Variants in NHSL2 observed in about 807,000 individuals in gnomAD.
NHSL2 encodes NHS like 2.
NHSL2 carries 27 observed loss-of-function variants against 53.4 expected under a neutral mutation model. That is an observed-to-expected ratio of 0.51 (90% CI 0.37 to 0.70). The LOEUF (loss-of-function observed/expected upper bound fraction) is 0.70, where lower values mean the gene tolerates loss of function less well. Among genes scored for constraint, NHSL2 ranks in the 30% least tolerant of loss-of-function variants. The pLI is 0.00. For missense variants in NHSL2, 892 were observed against 980.1 expected, an observed-to-expected ratio of 0.91 and a Z score of 1.20; for synonymous variants, 408 against 404.1, an observed-to-expected ratio of 1.01 and a Z score of -0.12.
At chrX:71,933,269 A>T (rs1000943982) in intron 1 of NHSL2, among the ~76,000 whole-genome samples, 1 of 112,038 alleles carries the variant, frequency 8.9e-6, no homozygotes, top group African/African-American at 3.2e-5. Flanking sequence ...CTACTGTTAG[A>T]GACAAGGGTC....
At chrX:72,071,971 T>C (rs2041704799) in intron 1 of NHSL2, among the ~76,000 whole-genome samples, 1 of 112,442 alleles carries the variant, frequency 8.9e-6, no homozygotes, top group Non-Finnish European at 1.9e-5. Flanking sequence ...TATTCCAGAA[T>C]TGGGCTGTCT....
chrX:72,064,852 A>C lies in NHSL2; in HGVS notation c.281-67227A>C, dbSNP rs1329541246. Among the ~76,000 whole-genome samples, 8 of 111,663 alleles carry C rather than the reference A, an allele frequency of 7.2e-5. No individual in the cohort carries two copies. The East Asian group carries it at 2.3e-3, about 32-fold the overall frequency. ...TGCTCCTGGCTGGGCTTAGCTTGAA[A>C]CACAGGCGAAAAAGAAAGAAGCCAT... is the stretch of plus-strand genomic sequence containing the variant. On this transcript the variant is annotated intron_variant, in intron 1 of 7. Coordinates refer to ENST00000633930, the MANE Select transcript of NHSL2 (RefSeq NM_001013627.3).
intron 1 of NHSL2, chrX:72,130,021 C>A: frequency 8.3e-7 from 1 of 1,211,169 alleles, no homozygotes; most frequent in South Asian, 1.8e-5. Context: ...ATTCTGGTTC[C>A]TCCGTCTGCT....
chrX:72,087,461 G>C (rs2041858701), intron 1 of NHSL2, among the ~76,000 whole-genome samples: 1 of 112,672 alleles, frequency 8.9e-6, no homozygotes, highest in East Asian at 2.8e-4. Context: ...ATTGTGAATA[G>C]GTTTCATGCC....
chrX:71,953,642 G>A (rs750747325), intron 1 of NHSL2, among the ~76,000 whole-genome samples: 161 of 111,086 alleles, frequency 1.4e-3, no homozygotes, highest in African/African-American at 5.1e-3. Flanking sequence ...TACCAACTTT[G>A]GGTTCCAGGG....
chrX:72,075,294 T>C (rs1485018381), intron 1 of NHSL2, among the ~76,000 whole-genome samples: 1 of 112,126 alleles, frequency 8.9e-6, no homozygotes, highest in African/African-American at 3.2e-5. Flanking sequence ...CCTTGTGAAG[T>C]GTAAAATGCT....
chrX:71,943,528 C>T (rs954031402), intron 1 of NHSL2, among the ~76,000 whole-genome samples: 2 of 112,827 alleles, frequency 1.8e-5, no homozygotes, highest in Admixed American at 1.9e-4. Context: ...CACAGATGTA[C>T]TCTGCTTACC....
chrX:71,980,866 C>T (rs908268716), intron 1 of NHSL2, among the ~76,000 whole-genome samples: 5 of 111,643 alleles, frequency 4.5e-5, no homozygotes, highest in Admixed American at 9.5e-5. Context: ...TATGTGAGTG[C>T]CTGATAGAGA....
chrX:72,112,264 G>C lies in NHSL2; in HGVS notation c.281-19815G>C, dbSNP rs138248250. Among the ~76,000 whole-genome samples the C allele has an allele frequency of 5.9e-3, 654 of 110,655 alleles. 6 individuals are homozygous for C. Among genetic ancestry groups the C allele is most frequent in the African/African-American group, 0.021 (629 of 30,395 alleles). On this transcript the variant is annotated intron_variant, in intron 1 of 7. Coordinates refer to ENST00000633930, the MANE Select transcript of NHSL2 (RefSeq NM_001013627.3). The stretch of plus-strand genomic sequence containing the variant: ...GGTAAGGACTTTGCATTTTAGTCCT[G>C]TGTGATGAGAAGCAATGGGAAGATG...
intron 1 of NHSL2, among the ~76,000 whole-genome samples, chrX:72,111,864 A>G (rs2042096374): frequency 9.0e-6 from 1 of 111,647 alleles, no homozygotes; most frequent in Non-Finnish European, 1.9e-5. Context: ...CAGGGAGCTT[A>G]CAGTCCAGGA....
At chrX:72,130,494 GTCTTCATCTTCACTGTAGTAC>G in intron 1 of NHSL2, 1 of 1,210,822 alleles carries the variant, frequency 8.3e-7, no homozygotes, top group Non-Finnish European at 1.1e-6. Context: ...GTGCCTCTTG[GTCTTCATCTTCACTGTAGTAC>G]TCTTCATCTT....
chrX:72,125,548 G>A (rs971196493), intron 1 of NHSL2, among the ~76,000 whole-genome samples: 10 of 111,959 alleles, frequency 8.9e-5, no homozygotes, highest in Admixed American at 5.6e-4. Flanking sequence ...GGCTGGACTG[G>A]AATCCAGGGT....
chrX:72,064,180 T>C (rs1444401359), intron 1 of NHSL2, among the ~76,000 whole-genome samples: 1 of 111,439 alleles, frequency 9.0e-6, no homozygotes, highest in African/African-American at 3.3e-5. Context: ...GTTGAGTGAG[T>C]TTGCTCTCTT....
intron 1 of NHSL2, among the ~76,000 whole-genome samples, chrX:72,059,393 C>G (rs1306014415): frequency 9.0e-6 from 1 of 111,502 alleles, no homozygotes; most frequent in Non-Finnish European, 1.9e-5. Context: ...CTATCACCTT[C>G]AAGATAAAAT....
At chrX:72,018,301 C>T (rs745516449) in intron 1 of NHSL2, among the ~76,000 whole-genome samples, 40 of 111,723 alleles carry the variant, frequency 3.6e-4, no homozygotes, top group Middle Eastern at 9.1e-3. Context: ...TCTAGGCCCT[C>T]CCCTGCTTCT....
At chrX:71,941,564 G>C (rs1274803777) in intron 1 of NHSL2, among the ~76,000 whole-genome samples, 3 of 112,012 alleles carry the variant, frequency 2.7e-5, no homozygotes, top group African/African-American at 9.7e-5. Flanking sequence ...GGTTCAGTAA[G>C]TGTACCTGCC....
chrX:71,947,046 C>T (rs1201652671), intron 1 of NHSL2, among the ~76,000 whole-genome samples: 1 of 112,170 alleles, frequency 8.9e-6, no homozygotes, highest in Non-Finnish European at 1.9e-5. Flanking sequence ...TCATTGAGGA[C>T]TCTGCAAACC....
intron 1 of NHSL2, among the ~76,000 whole-genome samples, chrX:72,056,022 G>A (rs763123760): frequency 8.0e-5 from 9 of 111,889 alleles, no homozygotes; most frequent in Middle Eastern, 4.7e-3. Flanking sequence ...GAAAAAAATC[G>A]TGTAAATAAC....
At chrX:72,030,693 G>T (rs974697415) in intron 1 of NHSL2, among the ~76,000 whole-genome samples, 13 of 112,124 alleles carry the variant, frequency 1.2e-4, no homozygotes, top group African/African-American at 4.2e-4. Context: ...GTGTAATGGG[G>T]TGCCCTGCTT....
Sources: allele counts gnomAD v4.1 joint callset (sites outside exome capture counted in the v4.1 genomes callset), GRCh38; gene constraint gnomAD v4.1.1; transcripts MANE v1.5; gene names NCBI Gene and HGNC (gene_info 2026-07-23, HGNC 2026-07-21).